Variants in OSBP2 observed in about 807,000 individuals in gnomAD.
OSBP2 encodes oxysterol binding protein 2, also known as oxysterol-binding protein 2.
OSBP2 carries 66 observed loss-of-function variants against 96.0 expected under a neutral mutation model. The ratio of observed to expected loss-of-function variants is 0.69; its 90% CI spans 0.56 to 0.84. The LOEUF is 0.84. OSBP2 is among the 40% of genes least tolerant of loss of function. OSBP2 has a pLI of 0.00. For synonymous variants in OSBP2, 525 were observed against 520.9 expected, an observed-to-expected ratio of 1.01 and a Z score of -0.11; for missense variants, 1,038 against 1,222.7, an observed-to-expected ratio of 0.85 and a Z score of 2.25.
At chr22:30,771,229 G>A (rs1487085112) in intron 2 of OSBP2, among the ~76,000 whole-genome samples, 2 of 152,174 alleles carry the variant, frequency 1.3e-5, no homozygotes, top group Non-Finnish European at 2.9e-5. Context: ...CCTGTGTCTA[G>A]CCCAGGCCAA....
At chr22:30,704,600 T>C (rs762646912) in intron 1 of OSBP2, among the ~76,000 whole-genome samples, 7 of 151,304 alleles carry the variant, frequency 4.6e-5, no homozygotes, top group Non-Finnish European at 1.0e-4. Flanking sequence ...CACTGCAACC[T>C]CTGCCTCCTG....
intron 1 of OSBP2, among the ~76,000 whole-genome samples, chr22:30,710,187 A>C (rs998784875): frequency 1.3e-5 from 2 of 152,154 alleles, no homozygotes; most frequent in Admixed American, 1.3e-4. Context: ...GCCCCGCCTT[A>C]GCAAGAATAC....
intron 2 of OSBP2, chr22:30,764,281 G>A (rs896333201): frequency 2.0e-6 from 2 of 985,226 alleles, no homozygotes; most frequent in African/African-American, 3.5e-5. Flanking sequence ...AGTAGAGTGG[G>A]GTGGGCGGGG....
intron 3 of OSBP2, among the ~76,000 whole-genome samples, chr22:30,876,770 C>T (rs924010260): frequency 6.6e-6 from 1 of 152,186 alleles, no homozygotes; most frequent in Non-Finnish European, 1.5e-5. Flanking sequence ...CTCCCCTGCC[C>T]CTACTCTGCA....
At chr22:30,785,007 C>G (rs941844568) in intron 2 of OSBP2, among the ~76,000 whole-genome samples, 5 of 152,146 alleles carry the variant, frequency 3.3e-5, no homozygotes, top group Non-Finnish European at 5.9e-5. Flanking sequence ...CTCCTGACCT[C>G]AGGTTATCTG....
At chr22:30,869,814 G>C (rs2039421317) in intron 2 of OSBP2, among the ~76,000 whole-genome samples, 1 of 152,208 alleles carries the variant, frequency 6.6e-6, no homozygotes, top group Admixed American at 6.5e-5. Flanking sequence ...GGTGGGGCAG[G>C]ACCTCTGGTG....
chr22:30,887,717 C>G, intron 4 of OSBP2, 99 bp downstream of exon 4: 2 of 1,092,292 alleles, frequency 1.8e-6, no homozygotes, highest in Non-Finnish European at 2.6e-6. Context: ...CTGGCTGTGC[C>G]CACATGTGGG....
intron 2 of OSBP2, among the ~76,000 whole-genome samples, chr22:30,801,950 C>T (rs1168196273): frequency 6.6e-6 from 1 of 152,092 alleles, no homozygotes; most frequent in Non-Finnish European, 1.5e-5. Flanking sequence ...GAACTCCAGC[C>T]TGGGCAACAG....
chr22:30,693,971 G>A (rs201775325), upstream of OSBP2: 41 of 871,144 alleles, frequency 4.7e-5, no homozygotes, highest in African/African-American at 1.3e-4. Context: ...TCTCAAAAAG[G>A]AAAAAAAAAA....
intron 2 of OSBP2, among the ~76,000 whole-genome samples, chr22:30,750,630 C>T (rs2090063390): frequency 6.6e-6 from 1 of 152,210 alleles, no homozygotes; most frequent in South Asian, 2.1e-4. Context: ...CATTGGCAAT[C>T]TATTCTCTCC....
At chr22:30,742,647 C>T (rs1050250134) in intron 2 of OSBP2, among the ~76,000 whole-genome samples, 2 of 152,178 alleles carry the variant, frequency 1.3e-5, no homozygotes, top group Non-Finnish European at 2.9e-5. Context: ...GAAATTTTCC[C>T]TGTCAATATG....
At chr22:30,719,116 C>G (rs531380348) in intron 1 of OSBP2, among the ~76,000 whole-genome samples, 1 of 152,080 alleles carries the variant, frequency 6.6e-6, no homozygotes, top group Non-Finnish European at 1.5e-5. Context: ...TCCCGCTGTG[C>G]CTTCTCTCCA....
intron 2 of OSBP2, among the ~76,000 whole-genome samples, chr22:30,838,704 T>C (rs2038684609): frequency 6.6e-6 from 1 of 152,190 alleles, no homozygotes. Context: ...GTGCTTTTTT[T>C]TTCTGTGCCT....
intron 2 of OSBP2, among the ~76,000 whole-genome samples, chr22:30,780,261 C>T (rs746160904): frequency 5.3e-5 from 8 of 152,206 alleles, no homozygotes; most frequent in Non-Finnish European, 8.8e-5. Flanking sequence ...CACAGTGATC[C>T]ATTTCCTCTC....
chr22:30,832,161 C>T (rs1265430254), intron 2 of OSBP2, among the ~76,000 whole-genome samples: 1 of 152,194 alleles, frequency 6.6e-6, no homozygotes, highest in Non-Finnish European at 1.5e-5. Context: ...CTCTGCCCTT[C>T]TGCCCTTGCC....
intron 2 of OSBP2, among the ~76,000 whole-genome samples, chr22:30,783,060 TGTGGC>T (rs1272972122): frequency 1.2e-4 from 17 of 141,952 alleles, no homozygotes; most frequent in Middle Eastern, 3.5e-3. Flanking sequence ...GTAGGGAACC[TGTGGC>T]TTTTTTTTTT....
intron 2 of OSBP2, among the ~76,000 whole-genome samples, chr22:30,801,777 C>T (rs1333113106): frequency 6.6e-6 from 1 of 152,034 alleles, no homozygotes; most frequent in Non-Finnish European, 1.5e-5. Flanking sequence ...AGTTTGAGAA[C>T]AGCTTGGACA....
chr22:30,845,260 T>C (rs2038844630), intron 2 of OSBP2, among the ~76,000 whole-genome samples: 1 of 152,016 alleles, frequency 6.6e-6, no homozygotes, highest in Admixed American at 6.6e-5. Context: ...GTGAAACCCG[T>C]CTCTACCATA....
chr22:30,875,216 G>T (rs757607645), intron 3 of OSBP2, among the ~76,000 whole-genome samples: 10 of 151,604 alleles, frequency 6.6e-5, no homozygotes, highest in Middle Eastern at 3.2e-3. Flanking sequence ...CCTGCACCCC[G>T]CACCCCCCTG....
Sources: gnomAD v4.1 joint callset for allele counts (sites outside exome capture counted in the v4.1 genomes callset) on GRCh38, gnomAD v4.1.1 for gene constraint, MANE v1.5 for transcripts, NCBI Gene and HGNC (gene_info 2026-07-23, HGNC 2026-07-21) for gene names.